FHIT: variants seen among roughly 807,000 people sequenced by gnomAD.
FHIT encodes the protein bis(5'-adenosyl)-triphosphatase.
A neutral mutation model predicts 17.9 loss-of-function variants in FHIT; 19 were observed. The observed-to-expected ratio is 1.06, with a 90% CI of 0.74 to 1.56. The LOEUF is 1.56. Among genes scored for constraint, FHIT ranks in the 40% most tolerant of loss-of-function variants. FHIT has a pLI of 0.00. For synonymous variants in FHIT, 81 were observed against 69.7 expected, an observed-to-expected ratio of 1.16 and a Z score of -0.81; for missense variants, 248 against 189.2, an observed-to-expected ratio of 1.31 and a Z score of -1.82.
At chr3:60,157,500 C>T (rs762590568) in intron 5 of FHIT, among the ~76,000 whole-genome samples, 10 of 152,100 alleles carry the variant, frequency 6.6e-5, no homozygotes, top group Non-Finnish European at 1.2e-4. Flanking sequence ...ATAATAATAG[C>T]TCTTGTATTA....
Position 60,408,376 on chromosome 3 carries a change from G to A in FHIT, c.103+128484C>T, listed in dbSNP as rs529019599. Among the ~76,000 whole-genome samples, 7 of 152,164 alleles carry A rather than the reference G, an allele frequency of 4.6e-5. No homozygotes were observed. The South Asian group carries it at 1.5e-3, about 32-fold the overall frequency. On this transcript the variant is annotated intron_variant, in intron 5 of 9. Coordinates refer to ENST00000492590, the MANE Select transcript of FHIT (RefSeq NM_002012.4). The stretch of plus-strand genomic sequence containing the variant: ...CTCCTAATCCACATATGTCTATCCG[G>A]CATCCACTAGGACAACTACCTGCGT...
intron 4 of FHIT, among the ~76,000 whole-genome samples, chr3:60,687,308 T>G (rs2040881359): frequency 6.6e-6 from 1 of 152,178 alleles, no homozygotes; most frequent in Non-Finnish European, 1.5e-5. Flanking sequence ...TCAGGGCTAT[T>G]AATTTTCTGC....
rs908029364 is a variant in FHIT at position 59,847,944 on chromosome 3, A to G, written c.348+74402T>C. The stretch of plus-strand genomic sequence containing the variant: ...CCCAAAAAGGGAAAGAAGAAAAATT[A>G]AGGGAAGCGAAAAAAGGCATCAGCC... On this transcript the variant is annotated intron_variant, in intron 8 of 9. Coordinates refer to ENST00000492590, the MANE Select transcript of FHIT (RefSeq NM_002012.4). 3.3e-5 allele frequency among the ~76,000 whole-genome samples: 5 copies of G among 152,326 alleles called. No individual in the cohort carries two copies. The South Asian group carries it at 1.0e-3, about 32-fold the overall frequency.
chr3:60,291,619 T>C (rs755637904), intron 5 of FHIT, among the ~76,000 whole-genome samples: 45 of 152,254 alleles, frequency 3.0e-4, no homozygotes, highest in Admixed American at 5.9e-4. Flanking sequence ...AAAAAAATAA[T>C]TTCTTGGGAT....
chr3:61,065,443 A>T (rs1012111579), intron 2 of FHIT, among the ~76,000 whole-genome samples: 1 of 152,218 alleles, frequency 6.6e-6, no homozygotes, highest in African/African-American at 2.4e-5. Context: ...AAATCATAGA[A>T]TCATGGAATA....
intron 4 of FHIT, among the ~76,000 whole-genome samples, chr3:60,540,082 A>C (rs1014909423): frequency 6.6e-6 from 1 of 152,098 alleles, no homozygotes; most frequent in Non-Finnish European, 1.5e-5. Context: ...GAAGTTGATC[A>C]CCAATGGTCA....
chr3:60,730,960 CAAAA>C (rs56078734), intron 4 of FHIT, among the ~76,000 whole-genome samples: 1,451 of 135,770 alleles, frequency 0.011, 22 homozygotes, highest in African/African-American at 0.033. Context: ...AATAAAAATA[CAAAA>C]AAAAAAAAAA....
At chr3:60,247,482 T>C (rs1465027140) in intron 5 of FHIT, among the ~76,000 whole-genome samples, 9 of 152,160 alleles carry the variant, frequency 5.9e-5, no homozygotes, top group African/African-American at 2.2e-4. Context: ...AAACCACTTA[T>C]ACATAGATAC....
rs139027714 is a variant in FHIT at position 60,921,281 on chromosome 3, T to C, written c.-110-99270A>G. ...ACAAGAATTTACTGAGCACTGACTA[T>C]ATGCTGGTATTGTATAGCTTTGGTG... On this transcript the variant is annotated intron_variant, in intron 3 of 9. Transcript: ENST00000492590. 3.9e-3 allele frequency among the ~76,000 whole-genome samples: 600 copies of C among 152,328 alleles called. 3 individuals carry two copies. The highest frequency in any genetic ancestry group is 0.014 in the African/African-American group (564 of 41,568).
chr3:60,139,498 G>T lies in FHIT; in HGVS notation c.104-125346C>A, dbSNP rs181467631. ...AAAAGTCTATCACCCCAGCTTAGAA[G>T]CTTTCTCAGCCTAAGCTAGATATCC... is the stretch of plus-strand genomic sequence containing the variant. On this transcript the variant is annotated intron_variant, in intron 5 of 9. Transcript: ENST00000492590. Among the ~76,000 whole-genome samples, 24 of 152,274 alleles carry T rather than the reference G, an allele frequency of 1.6e-4. No individual in the cohort carries two copies. In the South Asian group the frequency reaches 4.8e-3, roughly 30 times the overall value.
chr3:59,775,366 G>A (rs531349713), intron 8 of FHIT, among the ~76,000 whole-genome samples: 18 of 152,330 alleles, frequency 1.2e-4, no homozygotes, highest in African/African-American at 2.6e-4. Flanking sequence ...GGCAGATGCA[G>A]AAGGTCTGAA....
At position 60,437,240 on chromosome 3, in the gene FHIT, G is replaced by A. The variant is rs2030353390; in HGVS notation, c.103+99620C>T. Among the ~76,000 whole-genome samples, 3 of 152,226 alleles carry A rather than the reference G, an allele frequency of 2.0e-5. No homozygotes were observed. The South Asian group carries it at 6.2e-4, about 32-fold the overall frequency. ...CATGTGGGCAAGACTGCTGGAGCCA[G>A]GCAAGGATTTTTCTTAATGTGGACA... On this transcript the variant is annotated intron_variant, in intron 5 of 9. Transcript: ENST00000492590.
chr3:60,292,605 TTCTA>T (rs1292883429), intron 5 of FHIT, among the ~76,000 whole-genome samples: 2 of 152,172 alleles, frequency 1.3e-5, no homozygotes, highest in African/African-American at 4.8e-5. Context: ...AGCCATATTA[TTCTA>T]TCTGTGACTT....
chr3:60,923,165 A>G (rs777354642), intron 3 of FHIT, among the ~76,000 whole-genome samples: 1 of 152,200 alleles, frequency 6.6e-6, no homozygotes, highest in Non-Finnish European at 1.5e-5. Context: ...ATTATCCCAC[A>G]TGGGTTTACC....
chr3:59,963,773 C>T (rs538084196), intron 7 of FHIT, among the ~76,000 whole-genome samples: 33 of 152,238 alleles, frequency 2.2e-4, no homozygotes, highest in Admixed American at 5.9e-4. Flanking sequence ...TAAAGCTTTA[C>T]TACAAATTAG....
At chr3:61,173,684 A>G (rs964330232) in intron 2 of FHIT, among the ~76,000 whole-genome samples, 10 of 152,238 alleles carry the variant, frequency 6.6e-5, no homozygotes, top group African/African-American at 2.4e-4. Context: ...AGAGACTGTT[A>G]GGTTATAAAA....
intron 5 of FHIT, among the ~76,000 whole-genome samples, chr3:60,064,470 A>G (rs1245110003): frequency 6.6e-6 from 1 of 152,178 alleles, no homozygotes; most frequent in African/African-American, 2.4e-5. Flanking sequence ...TTTCCATGCT[A>G]CAGACAGTAC....
chr3:60,239,059 A>AAAT (rs1704969000), intron 5 of FHIT, among the ~76,000 whole-genome samples: 1 of 152,208 alleles, frequency 6.6e-6, no homozygotes, highest in Admixed American at 6.5e-5. Context: ...TGCACACTGC[A>AAAT]GCCATTTCAG....
chr3:60,933,108 C>T (rs1261998987), intron 3 of FHIT, among the ~76,000 whole-genome samples: 8 of 152,078 alleles, frequency 5.3e-5, no homozygotes, highest in Non-Finnish European at 1.2e-4. Flanking sequence ...AAAAATAATA[C>T]CATAACTTAT....
Sources: allele counts gnomAD v4.1 joint callset (sites outside exome capture counted in the v4.1 genomes callset), GRCh38; gene constraint gnomAD v4.1.1; transcripts MANE v1.5; gene names NCBI Gene and HGNC (gene_info 2026-07-23, HGNC 2026-07-21).